Variants in USH1C observed in about 807,000 individuals in gnomAD.
USH1C encodes the protein USH1 protein network component harmonin.
In USH1C, 90 loss-of-function variants were observed where a neutral mutation model predicts 119.3. That is an observed-to-expected ratio of 0.75 (90% CI 0.64 to 0.90). USH1C has a LOEUF of 0.90. Ranked by LOEUF, USH1C falls within the 40% of genes least tolerant of loss-of-function variation. USH1C has a pLI of 0.00. For missense variants in USH1C, 1,165 were observed against 1,167.7 expected (o/e 1.00, Z 0.03); for synonymous variants, 465 against 443.3 (o/e 1.05, Z -0.62).
chr11:17,501,587 T>C (rs891062796), intron 21 of USH1C, 52 bp from the exon 22 acceptor site: 2 of 1,580,648 alleles, frequency 1.3e-6, no homozygotes, highest in South Asian at 2.3e-5. Context: ...AGGATGGCGC[T>C]TGGGGTAGGG....
intron 2 of USH1C, among the ~76,000 whole-genome samples, chr11:17,533,038 G>A (rs1851057043): frequency 6.6e-6 from 1 of 152,204 alleles, no homozygotes; most frequent in Non-Finnish European, 1.5e-5. Context: ...AGACCAATCT[G>A]TCTGGCTCAC....
chr11:17,533,626 A>G, intron 1 of USH1C: 2 of 539,296 alleles, frequency 3.7e-6, no homozygotes, highest in Non-Finnish European at 3.5e-6. Context: ...ACATATGTGA[A>G]TCCCCATGTG....
At position 17,506,614 on chromosome 11, in the gene USH1C, C is replaced by T. The variant is rs139903434; in HGVS notation, c.2014-665G>A. 1.1e-4 allele frequency among the ~76,000 whole-genome samples: 17 copies of T among 152,370 alleles called. No individual in the cohort carries two copies. In the East Asian group the frequency reaches 1.7e-3, roughly 16 times the overall value. ...CAGCCTTATCTCTCACTCCTCGCCA[C>T]GCTCCTCACACTGCCTAGCTTTAGC... On this transcript the variant is annotated intron_variant, in intron 18 of 26. Coordinates refer to ENST00000005226, the MANE Select transcript of USH1C (RefSeq NM_153676.4).
At chr11:17,539,788 G>A (rs1175115174) in intron 1 of USH1C, among the ~76,000 whole-genome samples, 1 of 149,228 alleles carries the variant, frequency 6.7e-6, no homozygotes, top group African/African-American at 2.5e-5. Context: ...CTCTGTCTCT[G>A]TCTCTCTCTC....
At chr11:17,523,122 G>A in intron 11 of USH1C, 89 bp downstream of exon 11, 1 of 1,599,690 alleles carries the variant, frequency 6.3e-7, no homozygotes, top group Non-Finnish European at 8.6e-7. Context: ...AAGGAGACCA[G>A]CCACCCTGGG....
At chr11:17,494,426 C>T (rs1349007989) in intron 26 of USH1C, 50 bp from the exon 27 acceptor site, 2 of 1,558,924 alleles carry the variant, frequency 1.3e-6, no homozygotes, top group African/African-American at 2.7e-5. Context: ...TGTGGGTGCA[C>T]ACTCAGCCCA....
chr11:17,504,444 A>G (rs555632027), intron 20 of USH1C, among the ~76,000 whole-genome samples: 2 of 152,274 alleles, frequency 1.3e-5, no homozygotes, highest in South Asian at 2.1e-4. Context: ...ATGGGGTCTA[A>G]TAAGCCCTGG....
At position 17,520,864 on chromosome 11, in the gene USH1C, A is replaced by C; in HGVS notation, c.1210+6T>G. On this transcript the variant is annotated splice_donor_region_variant and intron_variant, in intron 14 of 26. Coordinates refer to ENST00000005226, the MANE Select transcript of USH1C (RefSeq NM_153676.4). The stretch of plus-strand genomic sequence containing the variant: ...TTAGCCTCTCCCCTCGGCTCATGAA[A>C]CTTACACTTTGGCTTGCGAAGGGGT... 1 of 1,614,122 alleles carries C rather than the reference A, an allele frequency of 6.2e-7. No individual in the cohort carries two copies. The highest frequency in any genetic ancestry group is 8.5e-7 in the Non-Finnish European group (1 of 1,180,014).
In USH1C at chr11:17,522,839, G is replaced by T. The variant is rs778554644; in HGVS notation, c.964C>A (p.Arg322=). ...ATCTTGTTGGACTCCATCGCCAGCC[G>T]CTTCTGCATGAGAAGCTCCTGCCGC... ...LQRQELLMQK[R]LAMESNKILQ... is the part of the protein sequence containing the mutation. Residue 322 remains arginine (R), a synonymous_variant, in exon 12 of 27, where the codon CGG becomes AGG. Coordinates refer to ENST00000005226, the MANE Select transcript of USH1C (RefSeq NM_153676.4). 6.2e-7 allele frequency: 1 copy of T among 1,613,594 alleles called. No individual in the cohort carries two copies. The highest frequency in any genetic ancestry group is 8.5e-7 in the Non-Finnish European group (1 of 1,179,870).
chr11:17,519,392 G>T (rs1442554771), intron 14 of USH1C, among the ~76,000 whole-genome samples: 1 of 152,156 alleles, frequency 6.6e-6, no homozygotes, highest in Non-Finnish European at 1.5e-5. Flanking sequence ...CAAAATTCTT[G>T]GTCTTTTTAT....
intron 14 of USH1C, among the ~76,000 whole-genome samples, chr11:17,518,479 T>A (rs1250807666): frequency 6.6e-6 from 1 of 152,182 alleles, no homozygotes; most frequent in Non-Finnish European, 1.5e-5. Context: ...AACTCCTGCA[T>A]AACCACCTAC....
chr11:17,530,020 G>A (rs7118713), intron 4 of USH1C, among the ~76,000 whole-genome samples: 2,425 of 152,320 alleles, frequency 0.016, 66 homozygotes, highest in African/African-American at 0.055. Context: ...AAGAAATAAT[G>A]AAGGGGCTGA....
chr11:17,534,776 A>G (rs1851160800), intron 1 of USH1C, among the ~76,000 whole-genome samples: 1 of 150,604 alleles, frequency 6.6e-6, no homozygotes, highest in Non-Finnish European at 1.5e-5. Context: ...TAGGAGGCTG[A>G]GGCAGGAGAA....
chr11:17,523,613 A>T (rs1429203025), intron 9 of USH1C, 135 bp from the exon 10 acceptor site: 3 of 838,618 alleles, frequency 3.6e-6, no homozygotes, highest in Admixed American at 4.0e-5. Context: ...CTCCTGATGA[A>T]TGGAGCAGTT....
At chr11:17,536,748 C>A (rs1342557558) in intron 1 of USH1C, among the ~76,000 whole-genome samples, 1 of 152,230 alleles carries the variant, frequency 6.6e-6, no homozygotes, top group Non-Finnish European at 1.5e-5. Flanking sequence ...AGATCCTTCC[C>A]CTGACACACT....
rs376293679 is a variant in USH1C, at chr11:17,501,461, G to A, written c.2280+21C>T. On this transcript the variant is annotated intron_variant, in intron 22 of 26. Coordinates refer to ENST00000005226, the MANE Select transcript of USH1C (RefSeq NM_153676.4). ...GCACAGAGAGGGATGGCGGCCCACC[G>A]GCCTCCACATGCCCAGGTACCTTCT... The A allele has an allele frequency of 5.6e-5, 90 of 1,610,944 alleles. No individual in the cohort carries two copies. The African/African-American group carries it at 6.3e-4, about 11-fold the overall frequency.
intron 4 of USH1C, among the ~76,000 whole-genome samples, 200 bp downstream of exon 4, chr11:17,530,954 C>A (rs933667126): frequency 1.3e-5 from 2 of 152,238 alleles, no homozygotes; most frequent in Non-Finnish European, 2.9e-5. Context: ...TTACCAGCTT[C>A]ACTCAAGAAA....
chr11:17,525,249 C>T (rs76584030), intron 8 of USH1C, among the ~76,000 whole-genome samples: 20 of 152,140 alleles, frequency 1.3e-4, no homozygotes, highest in African/African-American at 4.3e-4. Flanking sequence ...CCATCCTGGA[C>T]GCAGAATGTA....
chr11:17,533,114 G>C, intron 2 of USH1C, 141 bp downstream of exon 2: 1 of 758,528 alleles, frequency 1.3e-6, no homozygotes, highest in Non-Finnish European at 2.4e-6. Flanking sequence ...GCTGAAATGA[G>C]TGAATGGTAT....
Sources: allele counts gnomAD v4.1 joint callset (sites outside exome capture counted in the v4.1 genomes callset), GRCh38; gene constraint gnomAD v4.1.1; transcripts MANE v1.5; gene names NCBI Gene and HGNC (gene_info 2026-07-23, HGNC 2026-07-21).